CELF2: variants seen among roughly 807,000 people sequenced by gnomAD.
CELF2 encodes CUGBP Elav-like family member 2.
In CELF2, 8 loss-of-function variants were observed where a neutral mutation model predicts 62.6. That is an observed-to-expected ratio of 0.13 (90% confidence interval 0.07 to 0.23). The LOEUF (loss-of-function observed/expected upper bound fraction) is 0.23. Ranked by LOEUF, CELF2 falls within the 10% of genes least tolerant of loss-of-function variation. CELF2 has a pLI of 1.00. For missense variants in CELF2, 333 were observed against 671.0 expected (o/e 0.50, Z 5.56); for synonymous variants, 258 against 250.0 (o/e 1.03, Z -0.30).
At chr10:10,808,490 G>A (rs769612240) in intron 1 of CELF2, among the ~76,000 whole-genome samples, 1 of 152,028 alleles carries the variant, frequency 6.6e-6, no homozygotes, top group Non-Finnish European at 1.5e-5. Context: ...TATCATGAAG[G>A]CTTCATTTGG....
rs1029502450 is a variant in CELF2 at position 11,165,802 on chromosome 10, G to A, written c.271+120G>A. On this transcript the variant is annotated intron_variant, in intron 2 of 12. Coordinates refer to ENST00000633077, the MANE Select transcript of CELF2 (RefSeq NM_001326342.2). This position sits in a 1 kb window ranked among gnomAD's most constrained non-coding sequence, Gnocchi z 7.4. The stretch of plus-strand genomic sequence containing the variant: ...GTAGGCAGGAGGGCTGGAAGCAGCC[G>A]GTGCTGGCGGCCCCTGTGCTCCAGG... The A allele has an allele frequency of 6.4e-6, 6 of 935,438 alleles. No individual in the cohort carries two copies. Among genetic ancestry groups the A allele is most frequent in the Non-Finnish European group, 9.3e-6 (6 of 644,062 alleles). 57.9% of individuals were successfully genotyped at this position (935,438 alleles called of 1,614,324 possible).
At chr10:10,519,580 T>A in the CELF2 span, among the ~76,000 whole-genome samples, 1 of 152,196 alleles carries the variant, frequency 6.6e-6, no homozygotes, top group African/African-American at 2.4e-5. Context: ...AATTAAAGAA[T>A]GCCTGCAATG....
chr10:10,839,843 C>G (rs550876317), intron 1 of CELF2, among the ~76,000 whole-genome samples: 4 of 152,312 alleles, frequency 2.6e-5, no homozygotes, highest in African/African-American at 9.6e-5. Flanking sequence ...TTTCACTGCC[C>G]TAAAAATTCC....
intron 1 of CELF2, among the ~76,000 whole-genome samples, chr10:10,803,918 C>T (rs1471190979): frequency 6.6e-6 from 1 of 152,206 alleles, no homozygotes; most frequent in Non-Finnish European, 1.5e-5. Flanking sequence ...ATGTCATTCA[C>T]ATCCCACCCC....
chr10:10,938,378 G>A lies in CELF2; in HGVS notation c.89+18379G>A, dbSNP rs2046654225. 6.6e-6 allele frequency among the ~76,000 whole-genome samples: 1 copy of A among 152,344 alleles called. No homozygotes were observed. Among genetic ancestry groups the A allele is most frequent in the East Asian group, 1.9e-4 (1 of 5,186 alleles). ...TCTTTAAATTTAGAGAATGAAAAAT[G>A]CAAGAGCATTGTATTTTGGGCATCA... On this transcript the variant is annotated intron_variant, in intron 2 of 13. Coordinates refer to the CELF2 transcript ENST00000636488. This position sits in a 1 kb window ranked among gnomAD's most constrained non-coding sequence, Gnocchi z 4.2.
At chr10:11,066,685 C>T (rs2068254001) in intron 1 of CELF2, among the ~76,000 whole-genome samples, 1 of 152,126 alleles carries the variant, frequency 6.6e-6, no homozygotes, top group Admixed American at 6.5e-5. Context: ...GGGTTGGTTG[C>T]ACTGTGTGGA....
At chr10:10,574,086 C>G in the CELF2 span, among the ~76,000 whole-genome samples, 1 of 152,048 alleles carries the variant, frequency 6.6e-6, no homozygotes, top group African/African-American at 2.4e-5. Context: ...TAAAAATGGC[C>G]TGAATACAAA....
intron 1 of CELF2, among the ~76,000 whole-genome samples, chr10:11,044,542 G>A (rs1008153741): frequency 6.6e-6 from 1 of 152,052 alleles, no homozygotes; most frequent in South Asian, 2.1e-4. Context: ...ATAATTCTGG[G>A]CAGGTGCTTT....
chr10:10,505,597 C>T, the CELF2 span, among the ~76,000 whole-genome samples: 2 of 152,084 alleles, frequency 1.3e-5, no homozygotes, highest in African/African-American at 2.4e-5. Context: ...CTCTACTTGG[C>T]CTTCTTTGAC....
At chr10:10,636,748 G>C in the CELF2 span, among the ~76,000 whole-genome samples, 2 of 152,142 alleles carry the variant, frequency 1.3e-5, no homozygotes, top group Non-Finnish European at 2.9e-5. Context: ...AATAATATAA[G>C]TATTTCCACT....
chr10:10,522,931 G>C, the CELF2 span, among the ~76,000 whole-genome samples: 11 of 152,262 alleles, frequency 7.2e-5, no homozygotes, highest in African/African-American at 2.6e-4. Flanking sequence ...TTTAGTATGT[G>C]GTCAGCCCTG....
At chr10:10,565,289 G>C in the CELF2 span, among the ~76,000 whole-genome samples, 7 of 152,166 alleles carry the variant, frequency 4.6e-5, no homozygotes, top group Non-Finnish European at 1.0e-4. Context: ...GAGCAATGTT[G>C]ACCTGCTTTC....
chr10:11,216,673 A>G (rs184994130), intron 2 of CELF2, among the ~76,000 whole-genome samples: 10 of 152,338 alleles, frequency 6.6e-5, no homozygotes, highest in Middle Eastern at 6.8e-3. Flanking sequence ...GGTTGGCTGG[A>G]AAAAGGATAT....
At position 11,110,273 on chromosome 10, in the gene CELF2, TAA is replaced by T. The variant is rs561974036; in HGVS notation, c.75-55203_75-55202del. 1.3e-5 allele frequency among the ~76,000 whole-genome samples: 2 copies of T among 148,432 alleles called. No individual in the cohort carries two copies. The highest frequency in any genetic ancestry group is 4.9e-5 in the African/African-American group (2 of 40,478). ...TGGGCGACAGAGCAAGACCATGTCTTAAAAAAAAAAATCTGCTTTTTGTTCTT... is the reference window on the plus strand; with the variant it reads ...TGGGCGACAGAGCAAGACCATGTCTTAAAAAAAAATCTGCTTTTTGTTCTT... On this transcript the variant is annotated intron_variant, in intron 1 of 12. Transcript: ENST00000633077. The surrounding 1 kb of genome is among the most constrained non-coding windows in gnomAD (Gnocchi z 4.0).
At chr10:11,273,403 T>C (rs1420256085) in intron 7 of CELF2, among the ~76,000 whole-genome samples, 1 of 152,124 alleles carries the variant, frequency 6.6e-6, no homozygotes, top group Non-Finnish European at 1.5e-5. Flanking sequence ...GGTTGCGTGC[T>C]CCTTATGAGA....
intron 9 of CELF2, among the ~76,000 whole-genome samples, chr10:11,294,204 C>T (rs1435013770): frequency 6.6e-6 from 1 of 152,186 alleles, no homozygotes; most frequent in Non-Finnish European, 1.5e-5. Context: ...ATTTCACCTT[C>T]AGAAGAACCA....
At chr10:10,649,755 C>T in the CELF2 span, among the ~76,000 whole-genome samples, 1 of 152,150 alleles carries the variant, frequency 6.6e-6, no homozygotes. Flanking sequence ...TGGAGACAGA[C>T]ATCCCAACAC....
chr10:10,481,546 A>G, the CELF2 span, among the ~76,000 whole-genome samples: 1 of 152,166 alleles, frequency 6.6e-6, no homozygotes, highest in Non-Finnish European at 1.5e-5. Context: ...TCCCCCTTGA[A>G]GCTGGATTAT....
chr10:10,887,256 T>G (rs750197671), intron 1 of CELF2, among the ~76,000 whole-genome samples: 1 of 152,212 alleles, frequency 6.6e-6, no homozygotes, highest in Non-Finnish European at 1.5e-5. Flanking sequence ...ACTATGCATC[T>G]TTTTTATCAC....
Sources: allele counts gnomAD v4.1 joint callset (sites outside exome capture counted in the v4.1 genomes callset), GRCh38; gene constraint gnomAD v4.1.1; non-coding constraint Gnocchi (gnomAD v3.1); transcripts MANE v1.5; gene names NCBI Gene and HGNC (gene_info 2026-07-23, HGNC 2026-07-21).